Variants in SREK1IP1 observed in about 807,000 individuals in gnomAD.
SREK1IP1 encodes the protein protein SREK1IP1.
A neutral mutation model predicts 22.8 loss-of-function variants in SREK1IP1; 12 were observed. The observed-to-expected ratio is 0.53, with a 90% CI of 0.34 to 0.85. The LOEUF (loss-of-function observed/expected upper bound fraction) is 0.85. Among genes scored for constraint, SREK1IP1 ranks in the 40% least tolerant of loss-of-function variants. SREK1IP1 has a pLI of 0.02. For synonymous variants in SREK1IP1, 53 were observed against 52.7 expected, an observed-to-expected ratio of 1.01 and a Z score of -0.02; for missense variants, 147 against 171.8, an observed-to-expected ratio of 0.86 and a Z score of 0.81.
At position 64,723,816 on chromosome 5, in the gene SREK1IP1, A is replaced by G. The variant is rs1351673498; in HGVS notation, c.*568T>C. 1 of 152,652 alleles carries G rather than the reference A, an allele frequency of 6.6e-6. No homozygotes were observed. Among genetic ancestry groups the G allele is most frequent in the Non-Finnish European group, 1.5e-5 (1 of 68,032 alleles). 9.5% of individuals were successfully genotyped at this position (152,652 alleles called of 1,614,324 possible). On this transcript the variant is annotated 3_prime_UTR_variant, in exon 5 of 5. Transcript: ENST00000513458. ...CTACCTGCAGACACCATTCATTTAA[A>G]AAGTCCTAGTCAAGACCATTAAGCA...
In SREK1IP1 at chr5:64,722,284, TCTC is replaced by T. The variant is rs1243038628; in HGVS notation, c.*2097_*2099del. 6.6e-6 allele frequency: 1 copy of T among 152,186 alleles called. No individual in the cohort carries two copies. The highest frequency in any genetic ancestry group is 1.9e-4 in the East Asian group (1 of 5,192). The allele number at this position is 152,186 out of a possible 1,614,324, so 9.4% of individuals were successfully genotyped here. ...GTTAACGAGGACTGACTTTTGCTCTTCTCAGTCATTATTGTGTCACCATTCAGA... is the reference window on the plus strand; with the variant it reads ...GTTAACGAGGACTGACTTTTGCTCTTAGTCATTATTGTGTCACCATTCAGA... On this transcript the variant is annotated 3_prime_UTR_variant, in exon 5 of 5. Transcript: ENST00000513458.
chr5:64,722,964 T>A lies in SREK1IP1; in HGVS notation c.*1420A>T, dbSNP rs1742198144. 6.6e-6 allele frequency: 1 copy of A among 152,224 alleles called. No homozygotes were observed. The highest frequency in any genetic ancestry group is 2.1e-4 in the South Asian group (1 of 4,828). The allele number at this position is 152,224 out of a possible 1,614,324, so 9.4% of individuals were successfully genotyped here. A position where few individuals can be genotyped will look rare whatever the true frequency, so the allele number is the denominator to read the frequency against. Reference sequence around the variant, plus strand: ...ACTTAGCTGATTTCACTATCATGAATTCACCTGCAGCCGTATCTATAGGTT... The same window carrying A: ...ACTTAGCTGATTTCACTATCATGAAATCACCTGCAGCCGTATCTATAGGTT... On this transcript the variant is annotated 3_prime_UTR_variant, in exon 5 of 5. Coordinates refer to ENST00000513458, the MANE Select transcript of SREK1IP1 (RefSeq NM_173829.4).
In SREK1IP1 at chr5:64,741,087, G is replaced by A. The variant is rs1742543639; in HGVS notation, c.175C>T (p.Leu59=). 1.2e-6 allele frequency: 2 copies of A among 1,612,294 alleles called. No homozygotes were observed. Among genetic ancestry groups the A allele is most frequent in the Non-Finnish European group, 8.5e-7 (1 of 1,179,246 alleles). ...TCCTGTAATGCCTGCAATTTATTCA[G>A]TTCTTCATTCTCTTCATCGCTATCT... ...SEDSDEENEE[L]NKLQALQEKR... The change falls in exon 3 of 5, where the codon CTG becomes TTG. Residue 59 remains leucine, a synonymous_variant. Coordinates refer to ENST00000513458, the MANE Select transcript of SREK1IP1 (RefSeq NM_173829.4).
chr5:64,754,115 C>T (rs934392150), intron 2 of SREK1IP1, among the ~76,000 whole-genome samples, 200 bp downstream of exon 2: 3 of 152,190 alleles, frequency 2.0e-5, no homozygotes, highest in African/African-American at 7.2e-5. Flanking sequence ...AGATACATAG[C>T]TACCTGTTAC....
chr5:64,724,987 A>G (rs1320122650), intron 4 of SREK1IP1, among the ~76,000 whole-genome samples: 3 of 152,000 alleles, frequency 2.0e-5, no homozygotes, highest in African/African-American at 7.2e-5. Flanking sequence ...GCAATTCTCT[A>G]TTTTAAAGGG....
chr5:64,731,195 T>C (rs1742372229), intron 3 of SREK1IP1, among the ~76,000 whole-genome samples: 1 of 152,034 alleles, frequency 6.6e-6, no homozygotes, highest in Admixed American at 6.5e-5. Context: ...AGTTAGGGTG[T>C]TGTCAGGTCA....
intron 1 of SREK1IP1, among the ~76,000 whole-genome samples, chr5:64,762,498 T>A (rs1742966842): frequency 6.6e-6 from 1 of 152,144 alleles, no homozygotes; most frequent in Admixed American, 6.5e-5. Context: ...ATAATATATA[T>A]GTTCTGCTTA....
chr5:64,743,305 A>C (rs1398600822), intron 2 of SREK1IP1, among the ~76,000 whole-genome samples: 2 of 152,246 alleles, frequency 1.3e-5, no homozygotes, highest in Non-Finnish European at 1.5e-5. Context: ...CATGCTATAC[A>C]GGTTCATAGC....
chr5:64,731,521 C>CAAAAAAAA lies in SREK1IP1; in HGVS notation c.206-3350_206-3343dup, dbSNP rs10599290. Among the ~76,000 whole-genome samples the CAAAAAAAA allele has an allele frequency of 3.3e-4, 25 of 74,680 alleles. No individual in the cohort carries two copies. In the East Asian group the frequency reaches 4.3e-3, roughly 13 times the overall value. 49.0% of individuals were successfully genotyped at this position (74,680 alleles called of 152,430 possible). A position where few individuals can be genotyped will look rare whatever the true frequency, so the allele number is the denominator to read the frequency against. On this transcript the variant is annotated intron_variant, in intron 3 of 4. Transcript: ENST00000513458. ...TAGACAACAGAGTGGGCCCTTGTCTCAAAAAAAAAAAAAAAAAGAGGACAG... is the reference window on the plus strand; with the variant it reads ...TAGACAACAGAGTGGGCCCTTGTCTCAAAAAAAAAAAAAAAAAAAAAAAAAGAGGACAG...
At chr5:64,764,718 G>A (rs1490652836) in intron 1 of SREK1IP1, among the ~76,000 whole-genome samples, 3 of 152,052 alleles carry the variant, frequency 2.0e-5, no homozygotes, top group South Asian at 4.1e-4. Context: ...TCACAGATAG[G>A]GGTCAAGAAC....
At chr5:64,727,553 A>ATATATATATTTTTTTTTTT in intron 4 of SREK1IP1, 7 of 84,716 alleles carry the variant, frequency 8.3e-5, no homozygotes, top group African/African-American at 3.8e-4. Flanking sequence ...ATATATATAT[A>ATATATATATTTTTTTTTTT]TTTTTTTTTT....
chr5:64,762,054 T>G (rs189376150), intron 1 of SREK1IP1, among the ~76,000 whole-genome samples: 673 of 152,346 alleles, frequency 4.4e-3, no homozygotes, highest in Non-Finnish European at 6.2e-3. Context: ...CGATTTAAAT[T>G]TATTTCCTTG....
intron 1 of SREK1IP1, among the ~76,000 whole-genome samples, chr5:64,754,952 TA>T (rs951906462): frequency 2.6e-5 from 4 of 151,172 alleles, no homozygotes; most frequent in African/African-American, 9.7e-5. Flanking sequence ...CTAACAAACA[TA>T]AAAAAAAGCT....
At chr5:64,730,249 G>A (rs530221235) in intron 3 of SREK1IP1, among the ~76,000 whole-genome samples, 7 of 152,212 alleles carry the variant, frequency 4.6e-5, no homozygotes, top group South Asian at 2.1e-4. Context: ...ATATAAAAAC[G>A]CCAAATAAAT....
intron 3 of SREK1IP1, among the ~76,000 whole-genome samples, chr5:64,732,273 G>A (rs764175120): frequency 6.6e-6 from 1 of 152,200 alleles, no homozygotes; most frequent in African/African-American, 2.4e-5. Context: ...TCAATTACAT[G>A]AAATACTTGG....
At position 64,721,416 on chromosome 5, in the gene SREK1IP1, A is replaced by G. The variant is rs970611009; in HGVS notation, c.*2968T>C. ...TACTCTGAAGGTAAACTAGGGTTAT[A>G]TAATTTTAGATACAGTTGTAAATAC... On this transcript the variant is annotated 3_prime_UTR_variant, in exon 5 of 5. Transcript: ENST00000513458. 11 of 152,224 alleles carry G rather than the reference A, an allele frequency of 7.2e-5. No homozygotes were observed. The highest frequency in any genetic ancestry group is 6.5e-4 in the Admixed American group (10 of 15,286). 9.4% of individuals were successfully genotyped at this position (152,224 alleles called of 1,614,324 possible).
At chr5:64,752,144 G>GTTTATTT (rs755420855) in intron 2 of SREK1IP1, among the ~76,000 whole-genome samples, 2 of 85,476 alleles carry the variant, frequency 2.3e-5, no homozygotes, top group Non-Finnish European at 4.4e-5. Context: ...TTTTTTTTGT[G>GTTTATTT]TGTTTTTTTT....
chr5:64,758,564 A>G lies in SREK1IP1; in HGVS notation c.14-4202T>C, dbSNP rs186295078. The stretch of plus-strand genomic sequence containing the variant: ...AACAACTGCATGTTGAGAAAAGCTC[A>G]GAGAATTGGGGTCAGCGTTAAATCT... On this transcript the variant is annotated intron_variant, in intron 1 of 4. Coordinates refer to ENST00000513458, the MANE Select transcript of SREK1IP1 (RefSeq NM_173829.4). Among the ~76,000 whole-genome samples, 24 of 152,376 alleles carry G rather than the reference A, an allele frequency of 1.6e-4. No individual in the cohort carries two copies. In the East Asian group the frequency reaches 4.4e-3, roughly 28 times the overall value.
intron 3 of SREK1IP1, among the ~76,000 whole-genome samples, chr5:64,732,077 T>C (rs1394780383): frequency 2.6e-5 from 4 of 152,232 alleles, no homozygotes; most frequent in African/African-American, 9.6e-5. Context: ...CTTATCTCTA[T>C]TTCTAGTATC....
Sources: gnomAD v4.1 joint callset for allele counts (sites outside exome capture counted in the v4.1 genomes callset) on GRCh38, gnomAD v4.1.1 for gene constraint, MANE v1.5 for transcripts, NCBI Gene and HGNC (gene_info 2026-07-23, HGNC 2026-07-21) for gene names.